Variants in CTNNA2 observed in about 807,000 individuals in gnomAD.
CTNNA2 encodes catenin alpha-2.
In CTNNA2, 42 loss-of-function variants were observed where a neutral mutation model predicts 101.0. The observed-to-expected ratio is 0.42, with a 90% CI of 0.32 to 0.54. The LOEUF (loss-of-function observed/expected upper bound fraction) is 0.54. Ranked by LOEUF, CTNNA2 falls within the 20% of genes least tolerant of loss-of-function variation. The pLI, the probability that CTNNA2 is intolerant of heterozygous loss-of-function variation, is 0.14. For synonymous variants in CTNNA2, 450 were observed against 456.4 expected, an observed-to-expected ratio of 0.99 and a Z score of 0.18; for missense variants, 871 against 1,223.1, an observed-to-expected ratio of 0.71 and a Z score of 4.29.
chr2:80,570,001 G>C (rs150728231), intron 12 of CTNNA2, among the ~76,000 whole-genome samples: 1 of 151,844 alleles, frequency 6.6e-6, no homozygotes, highest in African/African-American at 2.4e-5. Flanking sequence ...AACATCTTAG[G>C]TTCTGTCAAG....
In CTNNA2 at chr2:80,586,783, C is replaced by G. The variant is rs951335202; in HGVS notation, c.2008-2521C>G. On this transcript the variant is annotated intron_variant, in intron 14 of 18. Transcript: ENST00000402739. ...TTTTAAATATGGATTAAAATTTACA[C>G]GTACACACGCATATCCAAACATACA... Among the ~76,000 whole-genome samples, 3 of 152,144 alleles carry G rather than the reference C, an allele frequency of 2.0e-5. No individual in the cohort carries two copies. The South Asian group carries it at 6.2e-4, about 31-fold the overall frequency.
At chr2:79,298,159 T>A (rs1676026025) in intron 2 of CTNNA2, among the ~76,000 whole-genome samples, 1 of 152,188 alleles carries the variant, frequency 6.6e-6, no homozygotes, top group Non-Finnish European at 1.5e-5. Context: ...CATGGGCATC[T>A]GTTTCTGGTA....
At chr2:79,642,630 A>T (rs936314325) in intron 1 of CTNNA2, among the ~76,000 whole-genome samples, 3 of 152,130 alleles carry the variant, frequency 2.0e-5, no homozygotes, top group Admixed American at 2.0e-4. Flanking sequence ...TTTCATACAC[A>T]TGGTAGCACC....
intron 3 of CTNNA2, among the ~76,000 whole-genome samples, chr2:79,852,047 C>G (rs2103911631): frequency 6.6e-6 from 1 of 152,162 alleles, no homozygotes; most frequent in East Asian, 1.9e-4. Context: ...CTTCTCTCAT[C>G]TTTTCTAAGA....
chr2:80,581,348 A>G (rs1330286003), intron 13 of CTNNA2, among the ~76,000 whole-genome samples: 1 of 152,194 alleles, frequency 6.6e-6, no homozygotes, highest in African/African-American at 2.4e-5. Context: ...CAAAAGTGGC[A>G]TTATAGAAGT....
chr2:79,485,786 C>T (rs1671151812), intron 4 of CTNNA2, among the ~76,000 whole-genome samples: 1 of 152,196 alleles, frequency 6.6e-6, no homozygotes, highest in Non-Finnish European at 1.5e-5. Context: ...ATTTTAGATT[C>T]ATAGATCTCT....
chr2:80,002,840 A>G (rs926891076), intron 7 of CTNNA2, among the ~76,000 whole-genome samples: 1 of 152,088 alleles, frequency 6.6e-6, no homozygotes, highest in Admixed American at 6.5e-5. Flanking sequence ...CTGTCAAACC[A>G]ACATCTAAAT....
chr2:79,376,288 C>T (rs1385411548), intron 4 of CTNNA2, among the ~76,000 whole-genome samples: 14 of 152,158 alleles, frequency 9.2e-5, no homozygotes, highest in South Asian at 8.3e-4. Flanking sequence ...GAAACAGCAA[C>T]GGTGGGCTGT....
At chr2:79,296,124 G>A (rs543988568) in intron 2 of CTNNA2, among the ~76,000 whole-genome samples, 62 of 152,166 alleles carry the variant, frequency 4.1e-4, no homozygotes, top group Admixed American at 1.2e-3. Context: ...TGAGGAAGAA[G>A]GTGTGGACCT....
intron 2 of CTNNA2, among the ~76,000 whole-genome samples, chr2:79,245,489 T>C (rs1016134020): frequency 1.3e-5 from 2 of 152,160 alleles, no homozygotes; most frequent in Non-Finnish European, 2.9e-5. Flanking sequence ...CATATACTAC[T>C]TTCTTTTTGC....
At chr2:79,446,888 T>C (rs1678839174) in intron 4 of CTNNA2, among the ~76,000 whole-genome samples, 1 of 152,086 alleles carries the variant, frequency 6.6e-6, no homozygotes, top group Non-Finnish European at 1.5e-5. Context: ...TCTAATCTCC[T>C]TTTTTAGCTA....
At chr2:80,067,096 G>C (rs1364373119) in intron 7 of CTNNA2, among the ~76,000 whole-genome samples, 2 of 152,110 alleles carry the variant, frequency 1.3e-5, no homozygotes, top group Non-Finnish European at 2.9e-5. Context: ...AGTGGGGATT[G>C]GGAAAGTATT....
Position 79,329,078 on chromosome 2 carries a change from C to G in CTNNA2, c.-318+16282C>G, listed in dbSNP as rs575022945. On this transcript the variant is annotated intron_variant, in intron 3 of 21. Transcript: ENST00000466387. ...CTACCTTAATCCAGCATGAACTCAT[C>G]TTAACTTGTTTACATATGCAAAGAC... 2.6e-4 allele frequency among the ~76,000 whole-genome samples: 40 copies of G among 152,284 alleles called. No homozygotes were observed. The South Asian group carries it at 8.3e-3, about 32-fold the overall frequency.
intron 7 of CTNNA2, among the ~76,000 whole-genome samples, chr2:79,997,722 G>C (rs563323968): frequency 6.6e-6 from 1 of 152,266 alleles, no homozygotes; most frequent in Admixed American, 6.5e-5. Context: ...TCTCAAGTTT[G>C]CTGGACTCTC....
At chr2:79,222,841 T>A (rs1235748574) in intron 2 of CTNNA2, among the ~76,000 whole-genome samples, 3 of 152,036 alleles carry the variant, frequency 2.0e-5, no homozygotes, top group African/African-American at 7.2e-5. Flanking sequence ...TGAATGGCAT[T>A]AGCGCCCTTA....
chr2:80,006,919 C>T (rs1693396854), intron 7 of CTNNA2, among the ~76,000 whole-genome samples: 1 of 152,160 alleles, frequency 6.6e-6, no homozygotes, highest in African/African-American at 2.4e-5. Context: ...CTTCACTTGC[C>T]TATGAAATCT....
intron 7 of CTNNA2, among the ~76,000 whole-genome samples, chr2:80,353,724 C>A (rs963064089): frequency 2.6e-5 from 4 of 152,106 alleles, no homozygotes; most frequent in Non-Finnish European, 4.4e-5. Context: ...TTGCACTGAG[C>A]TTTTGCCAAG....
At chr2:79,936,155 C>T (rs537955598) in intron 7 of CTNNA2, among the ~76,000 whole-genome samples, 10 of 151,502 alleles carry the variant, frequency 6.6e-5, no homozygotes, top group South Asian at 4.2e-4. Context: ...AAACCATATT[C>T]GTTTGATTCT....
At position 79,978,853 on chromosome 2, in the gene CTNNA2, A is replaced by G. The variant is rs1028120301; in HGVS notation, c.1056+69056A>G. Among the ~76,000 whole-genome samples the G allele has an allele frequency of 1.2e-4, 19 of 152,280 alleles. 1 individual carries two copies. The East Asian group carries it at 3.5e-3, about 28-fold the overall frequency. On this transcript the variant is annotated intron_variant, in intron 7 of 18. Transcript: ENST00000402739. Reference sequence around the variant, plus strand: ...AACAGTGAAACAGGAACAATTTTAAATAGTTTGTGTATTATCTCATTTATA... The same window carrying G: ...AACAGTGAAACAGGAACAATTTTAAGTAGTTTGTGTATTATCTCATTTATA...
Sources: gnomAD v4.1 joint callset for allele counts (sites outside exome capture counted in the v4.1 genomes callset) on GRCh38, gnomAD v4.1.1 for gene constraint, MANE v1.5 for transcripts, NCBI Gene and HGNC (gene_info 2026-07-23, HGNC 2026-07-21) for gene names.